The following TNFRSF25 variants were observed in gnomAD, a reference collection of about 807,000 sequenced individuals.
The protein encoded by TNFRSF25 is tumor necrosis factor receptor superfamily member 25.
In TNFRSF25, 28 loss-of-function variants were observed where a neutral mutation model predicts 49.4. That is an observed-to-expected ratio of 0.57 (90% CI 0.42 to 0.78). TNFRSF25 has a LOEUF of 0.78. TNFRSF25 is among the 30% of genes least tolerant of loss of function. TNFRSF25 has a pLI of 0.00. For synonymous variants in TNFRSF25, 240 were observed against 234.2 expected (o/e 1.02, Z -0.23); for missense variants, 531 against 581.6 (o/e 0.91, Z 0.90).
Position 6,465,543 on chromosome 1 carries a change from C to T in TNFRSF25, c.57G>A (p.Leu19=). 2 of 1,613,250 alleles carry T rather than the reference C, an allele frequency of 1.2e-6. No homozygotes were observed. The highest frequency in any genetic ancestry group is 1.3e-5 in the African/African-American group (1 of 75,022). The change falls in exon 2 of 10, where the codon CTG becomes CTA. Residue 19 remains leucine, a synonymous_variant. Transcript: ENST00000356876. ...AAVAAALLLV[L]LGARAQGGTR... ...TGCCGCCCTGGGCCCGGGCCCCCAGCAGCACCAGGAGGAGCGCCTGGGGGA... is the reference window on the plus strand; with the variant it reads ...TGCCGCCCTGGGCCCGGGCCCCCAGTAGCACCAGGAGGAGCGCCTGGGGGA...
At chr1:6,463,351 G>A (rs1223572278) in intron 5 of TNFRSF25, 1 of 599,684 alleles carries the variant, frequency 1.7e-6, no homozygotes, top group Non-Finnish European at 3.0e-6. Context: ...ACCCCAAAAG[G>A]ACAGGGATTT....
chr1:6,461,319 G>T lies in TNFRSF25; in HGVS notation c.*115C>A. 2.3e-6 allele frequency: 3 copies of T among 1,323,160 alleles called. No homozygotes were observed. Among genetic ancestry groups the T allele is most frequent in the Non-Finnish European group, 3.1e-6 (3 of 952,624 alleles). The allele number at this position is 1,323,160 out of a possible 1,614,324, so 82.0% of individuals were successfully genotyped here. On this transcript the variant is annotated 3_prime_UTR_variant, in exon 10 of 10. Transcript: ENST00000356876. The surrounding 1 kb of genome is among the most constrained non-coding windows in gnomAD (Gnocchi z 6.3). Reference sequence around the variant, plus strand: ...GGGTGGGGCCGGCTGGTGCTGCTACGCAGGGCCGTGCCAGCGGCTTAATAA... The same window carrying T: ...GGGTGGGGCCGGCTGGTGCTGCTACTCAGGGCCGTGCCAGCGGCTTAATAA...
Position 6,463,449 on chromosome 1 carries a change from G to A in TNFRSF25, c.543-322C>T, listed in dbSNP as rs565369298. ...TTCAATAAAGACTTGAATGGAGGCCGGGCGCGGTGGCTCATGCCTGTAATC... is the reference window on the plus strand; with the variant it reads ...TTCAATAAAGACTTGAATGGAGGCCAGGCGCGGTGGCTCATGCCTGTAATC... On this transcript the variant is annotated intron_variant, in intron 5 of 9. Coordinates refer to ENST00000356876, the MANE Select transcript of TNFRSF25 (RefSeq NM_003790.3). The A allele has an allele frequency of 1.7e-4, 61 of 354,350 alleles. 1 individual carries two copies. The highest frequency in any genetic ancestry group is 1.6e-3 in the Middle Eastern group (2 of 1,214). 22.0% of individuals were successfully genotyped at this position (354,350 alleles called of 1,614,324 possible).
chr1:6,462,099 C>T lies in TNFRSF25; in HGVS notation c.820G>A (p.Val274Ile), dbSNP rs577486076. 8 of 1,613,924 alleles carry T rather than the reference C, an allele frequency of 5.0e-6. No individual in the cohort carries two copies. In the Admixed American group the frequency reaches 5.0e-5, roughly 10 times the overall value. The change falls in exon 9 of 10, where the codon GTC (valine) becomes ATC (isoleucine). Residue 274 changes from valine to isoleucine, a missense_variant. Physicochemically the swap from Val to Ile is conservative, Grantham distance 29 (BLOSUM62 3). Transcript: ENST00000356876. This position sits in a 1 kb window ranked among gnomAD's most constrained non-coding sequence, Gnocchi z 4.2. Reference protein sequence around the residue: ...PPDSSEKICTVQLVGNSWTPG... With the variant: ...PPDSSEKICTIQLVGNSWTPG... ...GTCCAGCTGTTACCCACCAACTGGA[C>T]GGTGCAGATCTTCTCACTGCTGTCA...
Position 6,461,820 on chromosome 1 carries a change from G to A in TNFRSF25, c.926-58C>T, listed in dbSNP as rs1050536772. On this transcript the variant is annotated intron_variant, in intron 9 of 9. Coordinates refer to ENST00000356876, the MANE Select transcript of TNFRSF25 (RefSeq NM_003790.3). This position sits in a 1 kb window ranked among gnomAD's most constrained non-coding sequence, Gnocchi z 6.3. ...ACGTGGGCCGCGGTCGGGAGGCAGAGTCAGGGGCGTTCGTGCGGGTACCCC... is the reference window on the plus strand; with the variant it reads ...ACGTGGGCCGCGGTCGGGAGGCAGAATCAGGGGCGTTCGTGCGGGTACCCC... 7.5e-6 allele frequency: 11 copies of A among 1,461,920 alleles called. No individual in the cohort carries two copies. The African/African-American group carries it at 1.4e-4, about 19-fold the overall frequency. 90.6% of individuals were successfully genotyped at this position (1,461,920 alleles called of 1,614,324 possible). A position where few individuals can be genotyped will look rare whatever the true frequency, so the allele number is the denominator to read the frequency against.
Position 6,461,676 on chromosome 1 carries a change from C to T in TNFRSF25, c.1012G>A (p.Val338Met). ...MLQPGPQLYD[V>M]MDAVPARRWK... ...CGCCGCGCTGGGACCGCGTCCATCACGTCGTAGAGCTGCGGGCCCGGCTGC... is the reference window on the plus strand; with the variant it reads ...CGCCGCGCTGGGACCGCGTCCATCATGTCGTAGAGCTGCGGGCCCGGCTGC... Residue 338 changes from valine (V) to methionine (M), a missense_variant, in exon 10 of 10, where the codon GTG (valine) becomes ATG (methionine). Coordinates refer to ENST00000356876, the MANE Select transcript of TNFRSF25 (RefSeq NM_003790.3). This position sits in a 1 kb window ranked among gnomAD's most constrained non-coding sequence, Gnocchi z 6.3. 6.3e-7 allele frequency: 1 copy of T among 1,591,288 alleles called. No homozygotes were observed. The highest frequency in any genetic ancestry group is 8.5e-7 in the Non-Finnish European group (1 of 1,174,022).
At chr1:6,463,945 A>C (rs1010818582) in intron 5 of TNFRSF25, 2 of 183,820 alleles carry the variant, frequency 1.1e-5, no homozygotes, top group African/African-American at 4.8e-5. Flanking sequence ...AATAGATTTA[A>C]TATTTAATAT....
chr1:6,463,320 T>C (rs1215074448), intron 5 of TNFRSF25, 193 bp from the exon 6 acceptor site: 2 of 623,546 alleles, frequency 3.2e-6, no homozygotes, highest in African/African-American at 1.8e-5. Context: ...CTAGACTACA[T>C]GAAGAGTCAC....
chr1:6,464,586 G>C lies in TNFRSF25; in HGVS notation c.429C>G (p.Asp143Glu). Residue 143 changes from aspartate (D) to glutamate (E), a missense_variant, in exon 4 of 10, where the codon GAC becomes GAG. Coordinates refer to ENST00000356876, the MANE Select transcript of TNFRSF25 (RefSeq NM_003790.3). The part of the protein sequence containing the change: ...SSPFYCQPCL[D>E]CGALHRHTRL... ...GTGTGTGGCGGTGCAGGGCCCCGCA[G>C]TCTAGGCATGGTTGGCAGTAGAAGG... 4.3e-6 allele frequency: 7 copies of C among 1,614,148 alleles called. No individual in the cohort carries two copies. The highest frequency in any genetic ancestry group is 5.9e-6 in the Non-Finnish European group (7 of 1,180,044).
intron 3 of TNFRSF25, among the ~76,000 whole-genome samples, 177 bp from the exon 4 acceptor site, chr1:6,464,896 G>T (rs1644297243): frequency 1.3e-5 from 2 of 152,222 alleles, no homozygotes; most frequent in African/African-American, 4.8e-5. Flanking sequence ...AGAGGCCAAG[G>T]CACATGGAGA....
chr1:6,464,215 A>G, intron 5 of TNFRSF25, 160 bp downstream of exon 5: 1 of 1,478,088 alleles, frequency 6.8e-7, no homozygotes, highest in Non-Finnish European at 9.0e-7. Flanking sequence ...CTCTTTTGCC[A>G]TCTAAGTTTG....
Position 6,465,576 on chromosome 1 carries a change from T to C in TNFRSF25, c.40-16A>G. 6.2e-7 allele frequency: 1 copy of C among 1,610,190 alleles called. No individual in the cohort carries two copies. Among genetic ancestry groups the C allele is most frequent in the Non-Finnish European group, 8.5e-7 (1 of 1,178,420 alleles). ...GGAGGAGCGCCTGGGGGACAGGTGCTGCTGACTCTCAGCGCAGCTGCCCAC... is the reference window on the plus strand; with the variant it reads ...GGAGGAGCGCCTGGGGGACAGGTGCCGCTGACTCTCAGCGCAGCTGCCCAC... On this transcript the variant is annotated splice_polypyrimidine_tract_variant and intron_variant, in intron 1 of 9. Coordinates refer to ENST00000356876, the MANE Select transcript of TNFRSF25 (RefSeq NM_003790.3).
In TNFRSF25 at chr1:6,466,099, C is replaced by T; in HGVS notation, c.9G>A (p.Gln3=). 1 of 1,572,410 alleles carries T rather than the reference C, an allele frequency of 6.4e-7. No individual in the cohort carries two copies. Among genetic ancestry groups the T allele is most frequent in the Non-Finnish European group, 8.6e-7 (1 of 1,162,146 alleles). ME[Q]RPRGCAAVAA... is the part of the protein sequence containing the mutation. ...CCACCGCCGCGCAGCCCCGCGGCCGCTGCTCCATAGCCCTCCGACGGGCGC... is the reference window on the plus strand; with the variant it reads ...CCACCGCCGCGCAGCCCCGCGGCCGTTGCTCCATAGCCCTCCGACGGGCGC... The change falls in exon 1 of 10, where the codon CAG becomes CAA. Residue 3 remains glutamine (Q), a synonymous_variant. Transcript: ENST00000356876.
At position 6,465,041 on chromosome 1, in the gene TNFRSF25, A is replaced by G. The variant is rs755779070; in HGVS notation, c.295+47T>C. On this transcript the variant is annotated intron_variant, in intron 3 of 9. Coordinates refer to ENST00000356876, the MANE Select transcript of TNFRSF25 (RefSeq NM_003790.3). ...CCCGAGCCAGCCACTTCCTTCAGAA[A>G]GGCCTGTCCTTAGGAACTCCCTGCC... The G allele has an allele frequency of 3.2e-6, 5 of 1,575,192 alleles. No homozygotes were observed. In the South Asian group the frequency reaches 5.9e-5, roughly 19 times the overall value.
At chr1:6,465,977 T>C (rs1415595341) in intron 1 of TNFRSF25, 92 bp downstream of exon 1, 10 of 1,506,570 alleles carry the variant, frequency 6.6e-6, no homozygotes, top group Non-Finnish European at 8.9e-6. Context: ...CCAGTGAGGC[T>C]TGGAGTGGAG....
At chr1:6,463,207 C>T (rs1162456253) in intron 5 of TNFRSF25, 80 bp from the exon 6 acceptor site, 2 of 1,410,876 alleles carry the variant, frequency 1.4e-6, no homozygotes. Flanking sequence ...GCATCTGCTC[C>T]ATCCTAGAGA....
At chr1:6,464,110 T>A in intron 5 of TNFRSF25, 2 of 1,345,110 alleles carry the variant, frequency 1.5e-6, no homozygotes, top group East Asian at 6.2e-5. Context: ...AAGTGACAAA[T>A]CATCTGTAAT....
chr1:6,461,656 C>T lies in TNFRSF25; in HGVS notation c.1032G>A (p.Ala344=), dbSNP rs1644175872. The T allele has an allele frequency of 6.9e-6, 11 of 1,601,364 alleles. No individual in the cohort carries two copies. The highest frequency in any genetic ancestry group is 1.3e-5 in the African/African-American group (1 of 74,834). The change falls in exon 10 of 10, where the codon GCG becomes GCA. Residue 344 remains alanine, a synonymous_variant. Coordinates refer to ENST00000356876, the MANE Select transcript of TNFRSF25 (RefSeq NM_003790.3). The surrounding 1 kb of genome is among the most constrained non-coding windows in gnomAD (Gnocchi z 6.3). The part of the protein sequence containing the change: ...QLYDVMDAVP[A]RRWKEFVRTL... ...TGCGCACGAACTCCTTCCAGCGCCG[C>T]GCTGGGACCGCGTCCATCACGTCGT...
Position 6,462,140 on chromosome 1 carries a change from G to A in TNFRSF25, c.779C>T (p.Thr260Ile), listed in dbSNP as rs750788575. The change falls in exon 9 of 10, where the codon ACC becomes ATC. Residue 260 changes from threonine (T) to isoleucine (I), a missense_variant. Thr to Ile is a moderately conservative substitution (Grantham distance 89, BLOSUM62 -1). Coordinates refer to ENST00000356876, the MANE Select transcript of TNFRSF25 (RefSeq NM_003790.3). This position sits in a 1 kb window ranked among gnomAD's most constrained non-coding sequence, Gnocchi z 4.2. ...ACTGCTGTCAGGAGGTGCTAGAAGGGTGTGGGCGCTGTCCAAGGGTGACAG... is the reference window on the plus strand; with the variant it reads ...ACTGCTGTCAGGAGGTGCTAGAAGGATGTGGGCGCTGTCCAAGGGTGACAG... Reference protein sequence around the residue: ...THLSPLDSAHTLLAPPDSSEK... With the variant: ...THLSPLDSAHILLAPPDSSEK... 4.3e-6 allele frequency: 7 copies of A among 1,613,222 alleles called. No individual in the cohort carries two copies. The highest frequency in any genetic ancestry group is 2.2e-5 in the East Asian group (1 of 44,872).
Sources: gnomAD v4.1 joint callset for allele counts (sites outside exome capture counted in the v4.1 genomes callset) on GRCh38, gnomAD v4.1.1 for gene constraint, Gnocchi (gnomAD v3.1) non-coding constraint, MANE v1.5 for transcripts, NCBI Gene and HGNC (gene_info 2026-07-23, HGNC 2026-07-21) for gene names.